The following RPS6KA3 variants were observed in gnomAD, a reference collection of about 807,000 sequenced individuals.
RPS6KA3 encodes ribosomal protein S6 kinase alpha-3.
A neutral mutation model predicts 67.2 loss-of-function variants in RPS6KA3; 4 were observed. That is an observed-to-expected ratio of 0.06 (90% CI 0.03 to 0.14). RPS6KA3 has a LOEUF of 0.14. Among genes scored for constraint, RPS6KA3 ranks in the 10% least tolerant of loss-of-function variants. The pLI is 1.00. For synonymous variants in RPS6KA3, 182 were observed against 183.7 expected (o/e 0.99, Z 0.07); for missense variants, 204 against 559.0 (o/e 0.36, Z 6.40).
At chrX:20,171,025 C>T (rs1340113599) in intron 15 of RPS6KA3, among the ~76,000 whole-genome samples, 3 of 111,904 alleles carry the variant, frequency 2.7e-5, no homozygotes, top group Non-Finnish European at 3.8e-5. Context: ...GCAATCCTCC[C>T]ACCTCGGCCT....
chrX:20,196,915 C>T (rs981966204), intron 4 of RPS6KA3, among the ~76,000 whole-genome samples: 7 of 111,781 alleles, frequency 6.3e-5, no homozygotes, highest in African/African-American at 2.3e-4. Flanking sequence ...CCTCGGCTCG[C>T]TGCAACCTCC....
intron 10 of RPS6KA3, among the ~76,000 whole-genome samples, chrX:20,177,471 T>A (rs868739165): frequency 8.8e-6 from 1 of 113,002 alleles, no homozygotes. Flanking sequence ...TTGGGGCTAA[T>A]ATGAATAAAG....
intron 4 of RPS6KA3, chrX:20,203,670 T>C (rs778925208): frequency 2.6e-5 from 4 of 152,161 alleles, no homozygotes; most frequent in Non-Finnish European, 5.1e-5. Context: ...TAAAGTCCTT[T>C]AGAATAAAAG....
chrX:20,254,151 T>C (rs2069965893), intron 1 of RPS6KA3, among the ~76,000 whole-genome samples: 3 of 112,161 alleles, frequency 2.7e-5, no homozygotes, highest in African/African-American at 6.5e-5. Flanking sequence ...TCAAATAACA[T>C]ACCTGTATAC....
chrX:20,187,718 C>G (rs773568705), intron 9 of RPS6KA3, 110 bp downstream of exon 9: 8 of 656,504 alleles, frequency 1.2e-5, no homozygotes, highest in Non-Finnish European at 2.0e-5. Context: ...TTATTTATTA[C>G]ATATGGCATA....
intron 1 of RPS6KA3, among the ~76,000 whole-genome samples, chrX:20,250,320 C>A (rs1483797276): frequency 9.0e-6 from 1 of 111,316 alleles, no homozygotes; most frequent in Non-Finnish European, 1.9e-5. Flanking sequence ...TCCCAAGTAC[C>A]TAGGACTATA....
intron 1 of RPS6KA3, among the ~76,000 whole-genome samples, chrX:20,235,929 A>C (rs1397537670): frequency 5.4e-5 from 6 of 111,836 alleles, no homozygotes; most frequent in Non-Finnish European, 1.1e-4. Flanking sequence ...CTAACAATAG[A>C]GAACTAGTTA....
Position 20,152,009 on chromosome X carries a change from T to TA in RPS6KA3, c.*3388dup, listed in dbSNP as rs931786207. The stretch of plus-strand genomic sequence containing the variant: ...CCTGGCCCCAACAGCAGTCACTTCT[T>TA]AAAAAGAGATGGGAAATGGTTGACC... On this transcript the variant is annotated 3_prime_UTR_variant, in exon 22 of 22. Transcript: ENST00000379565. 8.9e-6 allele frequency: 1 copy of TA among 112,171 alleles called. No individual in the cohort carries two copies. Among genetic ancestry groups the TA allele is most frequent in the Non-Finnish European group, 1.9e-5 (1 of 53,296 alleles). The allele number at this position is 112,171 out of a possible 1,213,427, so 9.2% of individuals were successfully genotyped here. A position where few individuals can be genotyped will look rare whatever the true frequency, so the allele number is the denominator to read the frequency against.
chrX:20,201,093 CG>C (rs1379930503), intron 4 of RPS6KA3, among the ~76,000 whole-genome samples: 6 of 111,490 alleles, frequency 5.4e-5, no homozygotes, highest in African/African-American at 2.0e-4. Flanking sequence ...AAGCTATTTC[CG>C]CAGGTTAATG....
chrX:20,218,195 G>T, intron 2 of RPS6KA3, among the ~76,000 whole-genome samples: 1 of 111,965 alleles, frequency 8.9e-6, no homozygotes, highest in East Asian at 2.8e-4. Flanking sequence ...CAGGATTGTA[G>T]ATTAAATATA....
chrX:20,176,234 C>A lies in RPS6KA3; in HGVS notation c.1102+16G>T. 1.0e-6 allele frequency: 1 copy of A among 994,272 alleles called. No individual in the cohort carries two copies. The highest frequency in any genetic ancestry group is 1.4e-6 in the Non-Finnish European group (1 of 697,443). 81.9% of individuals were successfully genotyped at this position (994,272 alleles called of 1,213,427 possible). A position where few individuals can be genotyped will look rare whatever the true frequency, so the allele number is the denominator to read the frequency against. On this transcript the variant is annotated intron_variant, in intron 13 of 21. Transcript: ENST00000379565. ...ATTTGTTGTCTTATATTTGGATTTT[C>A]ACATTTTCTCCTTACCTTTGGGAGT...
intron 1 of RPS6KA3, among the ~76,000 whole-genome samples, chrX:20,247,476 A>T (rs1005906424): frequency 9.1e-6 from 1 of 110,462 alleles, no homozygotes; most frequent in Non-Finnish European, 1.9e-5. Flanking sequence ...AGAGAAACCT[A>T]AGGAAATTTT....
intron 1 of RPS6KA3, among the ~76,000 whole-genome samples, chrX:20,259,551 A>C (rs1285460311): frequency 8.9e-6 from 1 of 111,888 alleles, no homozygotes; most frequent in Non-Finnish European, 1.9e-5. Context: ...TAAAGAAAAC[A>C]CTTCAATATA....
intron 1 of RPS6KA3, among the ~76,000 whole-genome samples, chrX:20,243,660 ATT>A (rs1430987267): frequency 3.0e-5 from 3 of 99,073 alleles, no homozygotes; most frequent in Admixed American, 1.1e-4. Flanking sequence ...TAATTTTTGT[ATT>A]TTTTTTTTTT....
intron 4 of RPS6KA3, among the ~76,000 whole-genome samples, chrX:20,199,013 A>G (rs999620639): frequency 1.8e-5 from 2 of 110,734 alleles, no homozygotes; most frequent in African/African-American, 6.6e-5. Context: ...CTGAGATTAC[A>G]GGTGCCCGCC....
At chrX:20,206,015 T>C (rs753666119) in intron 3 of RPS6KA3, among the ~76,000 whole-genome samples, 24 of 112,430 alleles carry the variant, frequency 2.1e-4, no homozygotes, top group East Asian at 8.4e-4. Flanking sequence ...AGTGTCACAG[T>C]GGAGGTACTG....
At chrX:20,181,599 C>T (rs192354751) in intron 10 of RPS6KA3, among the ~76,000 whole-genome samples, 1 of 111,779 alleles carries the variant, frequency 8.9e-6, no homozygotes, top group Non-Finnish European at 1.9e-5. Flanking sequence ...GCTCTGAAGA[C>T]CACCAAAGAC....
At chrX:20,207,792 T>A (rs756618782) in intron 3 of RPS6KA3, among the ~76,000 whole-genome samples, 1 of 112,242 alleles carries the variant, frequency 8.9e-6, no homozygotes, top group Admixed American at 9.4e-5. Context: ...AGCATCCTTT[T>A]GGGTTCAAAA....
chrX:20,166,525 A>C (rs189066158), intron 17 of RPS6KA3, among the ~76,000 whole-genome samples: 31 of 111,382 alleles, frequency 2.8e-4, no homozygotes, highest in Admixed American at 2.4e-3. Context: ...CTTAAGAAGT[A>C]ATCTTTTATA....
Sources: gnomAD v4.1 joint callset for allele counts (sites outside exome capture counted in the v4.1 genomes callset) on GRCh38, gnomAD v4.1.1 for gene constraint, MANE v1.5 for transcripts, NCBI Gene and HGNC (gene_info 2026-07-23, HGNC 2026-07-21) for gene names.